The following HCN1 variants were observed in gnomAD, a reference collection of about 807,000 sequenced individuals.
HCN1 encodes hyperpolarization activated cyclic nucleotide gated potassium channel 1.
HCN1 carries 13 observed loss-of-function variants against 78.9 expected under a neutral mutation model. That is an observed-to-expected ratio of 0.16 (90% CI 0.11 to 0.26). The LOEUF (loss-of-function observed/expected upper bound fraction) is 0.26. Among genes scored for constraint, HCN1 ranks in the 10% least tolerant of loss-of-function variants. The pLI, the probability that HCN1 is intolerant of heterozygous loss-of-function variation, is 1.00. For synonymous variants in HCN1, 552 were observed against 455.5 expected (o/e 1.21, Z -2.70); for missense variants, 810 against 1,154.3 (o/e 0.70, Z 4.32).
intron 6 of HCN1, among the ~76,000 whole-genome samples, chr5:45,278,406 T>C (rs1745104906): frequency 6.6e-6 from 1 of 152,062 alleles, no homozygotes; most frequent in Non-Finnish European, 1.5e-5. Context: ...CAGAAAAAAT[T>C]TATTAGGCAA....
chr5:45,624,552 T>C (rs1197911336), intron 2 of HCN1, among the ~76,000 whole-genome samples: 1 of 152,034 alleles, frequency 6.6e-6, no homozygotes, highest in African/African-American at 2.4e-5. Flanking sequence ...AGGTGAAGCA[T>C]TGCCCCTCAA....
intron 4 of HCN1, among the ~76,000 whole-genome samples, chr5:45,379,774 A>G (rs1747766115): frequency 6.6e-6 from 1 of 152,048 alleles, no homozygotes; most frequent in South Asian, 2.1e-4. Context: ...TTTTATTAAA[A>G]TACTACTTGA....
intron 2 of HCN1, among the ~76,000 whole-genome samples, chr5:45,466,765 A>T (rs933258064): frequency 5.3e-5 from 8 of 152,098 alleles, no homozygotes. Context: ...CCTGAAAGTC[A>T]TTCAGGTCAT....
chr5:45,409,514 C>T (rs1303464334), intron 3 of HCN1, among the ~76,000 whole-genome samples: 1 of 151,930 alleles, frequency 6.6e-6, no homozygotes, highest in Non-Finnish European at 1.5e-5. Context: ...ATGCTCTCAC[C>T]TTTACAGATT....
At chr5:45,340,765 T>G (rs1162122661) in intron 5 of HCN1, among the ~76,000 whole-genome samples, 2 of 152,206 alleles carry the variant, frequency 1.3e-5, no homozygotes, top group Non-Finnish European at 2.9e-5. Flanking sequence ...TTGTAGAAAC[T>G]TCTTACAACA....
intron 2 of HCN1, among the ~76,000 whole-genome samples, chr5:45,577,538 A>C (rs1036912598): frequency 4.6e-5 from 7 of 152,118 alleles, no homozygotes; most frequent in South Asian, 2.1e-4. Context: ...GCCTAGCATA[A>C]ATTTGTGATT....
intron 2 of HCN1, among the ~76,000 whole-genome samples, chr5:45,557,350 T>C (rs1270155157): frequency 6.6e-6 from 1 of 152,132 alleles, no homozygotes; most frequent in Non-Finnish European, 1.5e-5. Flanking sequence ...TTTTACATTT[T>C]CAGTTGTCAA....
chr5:45,436,691 A>T (rs1194113511), intron 3 of HCN1, among the ~76,000 whole-genome samples: 1 of 152,196 alleles, frequency 6.6e-6, no homozygotes, highest in African/African-American at 2.4e-5. Context: ...AGTAACACTG[A>T]CAAGGCCTTT....
chr5:45,352,081 G>A (rs1746916595), intron 5 of HCN1, among the ~76,000 whole-genome samples: 1 of 152,154 alleles, frequency 6.6e-6, no homozygotes, highest in Admixed American at 6.6e-5. Flanking sequence ...GCACACGTAT[G>A]TTTATTGCGG....
chr5:45,337,765 A>C (rs1242863012), intron 5 of HCN1, among the ~76,000 whole-genome samples: 1 of 152,124 alleles, frequency 6.6e-6, no homozygotes, highest in African/African-American at 2.4e-5. Flanking sequence ...AGAATGACTG[A>C]GAGGGAACTA....
intron 5 of HCN1, among the ~76,000 whole-genome samples, chr5:45,336,999 T>A (rs888074679): frequency 6.6e-6 from 1 of 151,850 alleles, no homozygotes; most frequent in East Asian, 1.9e-4. Context: ...GCAGAGGGCA[T>A]AAATACTCAC....
chr5:45,441,624 T>C (rs889393157), intron 3 of HCN1, among the ~76,000 whole-genome samples: 24 of 152,210 alleles, frequency 1.6e-4, no homozygotes, highest in Admixed American at 1.5e-3. Flanking sequence ...ATTAATATGC[T>C]TGAAATATTT....
At chr5:45,448,049 C>G (rs1257973463) in intron 3 of HCN1, among the ~76,000 whole-genome samples, 1 of 151,552 alleles carries the variant, frequency 6.6e-6, no homozygotes, top group Non-Finnish European at 1.5e-5. Context: ...CAAACTTTTC[C>G]TACATAAGTT....
intron 2 of HCN1, among the ~76,000 whole-genome samples, chr5:45,582,615 A>G (rs369930037): frequency 6.6e-5 from 10 of 152,072 alleles, no homozygotes; most frequent in African/African-American, 1.7e-4. Context: ...CAAAGGGAAT[A>G]CTTCCAGTTT....
At chr5:45,595,809 C>G (rs1239402001) in intron 2 of HCN1, among the ~76,000 whole-genome samples, 7 of 151,326 alleles carry the variant, frequency 4.6e-5, no homozygotes, top group African/African-American at 1.7e-4. Flanking sequence ...TAGCTATTCC[C>G]TGAATTATGA....
intron 2 of HCN1, among the ~76,000 whole-genome samples, chr5:45,499,726 T>G (rs1742150136): frequency 6.6e-6 from 1 of 152,210 alleles, no homozygotes; most frequent in Non-Finnish European, 1.5e-5. Flanking sequence ...ACACTATACA[T>G]GACACTGACA....
chr5:45,671,278 A>T (rs1277454814), intron 1 of HCN1, among the ~76,000 whole-genome samples: 2 of 151,510 alleles, frequency 1.3e-5, no homozygotes, highest in East Asian at 3.9e-4. Flanking sequence ...TCCCTTCACT[A>T]GTTCTCCAGA....
chr5:45,445,477 A>AC (rs1740771618), intron 3 of HCN1, among the ~76,000 whole-genome samples: 1 of 152,178 alleles, frequency 6.6e-6, no homozygotes, highest in African/African-American at 2.4e-5. Flanking sequence ...AAACAAAAAG[A>AC]CAGTAGTAAC....
intron 4 of HCN1, among the ~76,000 whole-genome samples, chr5:45,391,959 A>AG (rs1438489706): frequency 9.9e-5 from 15 of 152,122 alleles, no homozygotes; most frequent in Non-Finnish European, 1.6e-4. Flanking sequence ...AAAGTATTTA[A>AG]GGGGGTGGAG....
Sources: gnomAD v4.1 joint callset for allele counts (sites outside exome capture counted in the v4.1 genomes callset) on GRCh38, gnomAD v4.1.1 for gene constraint, MANE v1.5 for transcripts, NCBI Gene and HGNC (gene_info 2026-07-23, HGNC 2026-07-21) for gene names.